Variants in CERT1 observed in about 807,000 individuals in gnomAD.
The protein encoded by CERT1 is ceramide transfer protein.
In CERT1, 31 loss-of-function variants were observed where a neutral mutation model predicts 87.9. The ratio of observed to expected loss-of-function variants is 0.35; its 90% CI spans 0.27 to 0.48. The LOEUF (loss-of-function observed/expected upper bound fraction) is 0.48, where lower values mean the gene tolerates loss of function less well. CERT1 is among the 20% of genes least tolerant of loss of function. The pLI is 0.99. For synonymous variants in CERT1, 289 were observed against 250.9 expected (o/e 1.15, Z -1.44); for missense variants, 487 against 758.0 (o/e 0.64, Z 4.20).
intron 3 of CERT1, among the ~76,000 whole-genome samples, chr5:75,427,858 C>G (rs929168398): frequency 2.0e-5 from 3 of 151,982 alleles, no homozygotes; most frequent in African/African-American, 7.3e-5. Context: ...GAACAAAAAG[C>G]TACATTGTAT....
intron 2 of CERT1, among the ~76,000 whole-genome samples, chr5:75,470,405 TCA>T (rs1561285845): frequency 6.6e-6 from 1 of 152,080 alleles, no homozygotes; most frequent in African/African-American, 2.4e-5. Flanking sequence ...TTTGGAAAAT[TCA>T]CACATACATG....
chr5:75,486,202 C>T (rs770000195), intron 2 of CERT1, among the ~76,000 whole-genome samples: 23 of 151,998 alleles, frequency 1.5e-4, no homozygotes, highest in East Asian at 5.8e-4. Context: ...GTTCAACATA[C>T]GCAAATCTAC....
At position 75,381,099 on chromosome 5, in the gene CERT1, G is replaced by A. The variant is rs780465149; in HGVS notation, c.1720C>T (p.Leu574=). ...GNQEISRDNI[L]CKITYVANVN... ...TTAGCTACATATGTAATCTTGCATA[G>A]AATGTTGTCCCTGCTAATTTCCTGG... Residue 574 remains leucine, a synonymous_variant, in exon 16 of 17, where the codon CTA becomes TTA. Transcript: ENST00000643780. 1.2e-6 allele frequency: 2 copies of A among 1,614,044 alleles called. No individual in the cohort carries two copies.
chr5:75,496,064 T>C (rs967155526), intron 2 of CERT1, among the ~76,000 whole-genome samples: 1 of 152,166 alleles, frequency 6.6e-6, no homozygotes, highest in African/African-American at 2.4e-5. Flanking sequence ...TGGGAGAAAA[T>C]ATTTGCCAAA....
At chr5:75,484,762 A>G (rs1766429420) in intron 2 of CERT1, among the ~76,000 whole-genome samples, 1 of 152,102 alleles carries the variant, frequency 6.6e-6, no homozygotes, top group African/African-American at 2.4e-5. Flanking sequence ...GAGAGAGACC[A>G]TTATACAATA....
At chr5:75,444,589 C>T (rs1325369293) in intron 3 of CERT1, among the ~76,000 whole-genome samples, 1 of 145,146 alleles carries the variant, frequency 6.9e-6, no homozygotes, top group African/African-American at 2.6e-5. Context: ...CATTCTGTCA[C>T]CAGGCTGAGT....
intron 3 of CERT1, among the ~76,000 whole-genome samples, chr5:75,447,534 G>A (rs534780772): frequency 2.6e-5 from 4 of 151,492 alleles, no homozygotes; most frequent in African/African-American, 7.3e-5. Flanking sequence ...GCAGTGGCGC[G>A]ATCTTGGCTC....
intron 7 of CERT1, among the ~76,000 whole-genome samples, chr5:75,416,643 C>G (rs976533088): frequency 6.6e-6 from 1 of 152,078 alleles, no homozygotes; most frequent in African/African-American, 2.4e-5. Flanking sequence ...ATCACAAAAA[C>G]TTTTATATTA....
chr5:75,412,184 C>CT (rs766481300), intron 7 of CERT1, among the ~76,000 whole-genome samples: 7 of 151,804 alleles, frequency 4.6e-5, no homozygotes, highest in Non-Finnish European at 5.9e-5. Context: ...TCTTTTCTTT[C>CT]TTTTTTTTAC....
intron 12 of CERT1, among the ~76,000 whole-genome samples, chr5:75,388,157 A>T (rs951127690): frequency 1.3e-5 from 2 of 152,134 alleles, no homozygotes; most frequent in Non-Finnish European, 2.9e-5. Flanking sequence ...GAGTAACAAG[A>T]CCCTGTAGCA....
downstream of CERT1, chr5:75,374,756 C>T (rs982751641): frequency 1.8e-5 from 10 of 561,438 alleles, no homozygotes; most frequent in Non-Finnish European, 3.4e-5. Context: ...AACACCTCCA[C>T]CCCAATTTAG....
At chr5:75,416,447 A>G (rs1178463869) in intron 7 of CERT1, among the ~76,000 whole-genome samples, 2 of 152,212 alleles carry the variant, frequency 1.3e-5, no homozygotes, top group Non-Finnish European at 2.9e-5. Flanking sequence ...AACATAATGT[A>G]TGTTAAATGG....
At chr5:75,486,240 G>T (rs1462957963) in intron 2 of CERT1, among the ~76,000 whole-genome samples, 1 of 151,902 alleles carries the variant, frequency 6.6e-6, no homozygotes, top group Non-Finnish European at 1.5e-5. Context: ...CAGAATGAAG[G>T]ACAAAAACCA....
rs60898983 is a variant in CERT1, at chr5:75,393,602, T to TAAAAAAAAAAAAAAAAA, written c.1189-3932_1189-3916dup. Among the ~76,000 whole-genome samples the TAAAAAAAAAAAAAAAAA allele has an allele frequency of 8.1e-3, 263 of 32,650 alleles. 9 individuals are homozygous for TAAAAAAAAAAAAAAAAA. The highest frequency in any genetic ancestry group is 0.01 in the East Asian group (9 of 866). The allele number at this position is 32,650 out of a possible 152,430, so 21.4% of individuals were successfully genotyped here. ...GCAACATAGCAAGACCTCATCTACT[T>TAAAAAAAAAAAAAAAAA]AAAAAAAAAAAAAAAAAAAAAGAAA... On this transcript the variant is annotated intron_variant, in intron 11 of 16. Coordinates refer to ENST00000643780, the MANE Select transcript of CERT1 (RefSeq NM_001379029.1).
intron 9 of CERT1, chr5:75,401,070 A>G (rs1344272826): frequency 6.6e-6 from 1 of 152,198 alleles, no homozygotes; most frequent in Non-Finnish European, 1.5e-5. Flanking sequence ...ATCTAAATCT[A>G]TGGAACTGAT....
chr5:75,484,707 C>T (rs1766426630), intron 2 of CERT1, among the ~76,000 whole-genome samples: 1 of 151,760 alleles, frequency 6.6e-6, no homozygotes, highest in African/African-American at 2.4e-5. Flanking sequence ...ATATATGCAA[C>T]ACTAGACCAC....
chr5:75,461,821 GA>G (rs11404644), intron 2 of CERT1, among the ~76,000 whole-genome samples: 12,824 of 89,550 alleles, frequency 0.14, 523 homozygotes, highest in Middle Eastern at 0.22. Context: ...TCAACAAAGT[GA>G]AAAAAAAAAA....
intron 2 of CERT1, among the ~76,000 whole-genome samples, chr5:75,465,778 C>T (rs1020575793): frequency 1.3e-5 from 2 of 152,200 alleles, no homozygotes; most frequent in Admixed American, 6.5e-5. Context: ...AGAAGAAAAA[C>T]TTCCTGTCTC....
In CERT1 at chr5:75,411,015, T is replaced by A; in HGVS notation, c.926A>T (p.Tyr309Phe). The A allele has an allele frequency of 6.5e-7, 1 of 1,528,182 alleles. No individual in the cohort carries two copies. Among genetic ancestry groups the A allele is most frequent in the African/African-American group, 1.4e-5 (1 of 72,756 alleles). 94.7% of individuals were successfully genotyped at this position (1,528,182 alleles called of 1,614,324 possible). A position where few individuals can be genotyped will look rare whatever the true frequency, so the allele number is the denominator to read the frequency against. The change falls in exon 8 of 17, where the codon TAT becomes TTT. Residue 309 changes from tyrosine to phenylalanine, a missense_variant. Tyr to Phe is a conservative substitution (Grantham distance 22). Coordinates refer to ENST00000643780, the MANE Select transcript of CERT1 (RefSeq NM_001379029.1). ...KKKSHFGGPD[Y>F]EEGPNSLINE... is the part of the protein sequence containing the mutation. ...GATCAAAATATAAATTCATACTTCA[T>A]AATCTGGTCCTCCAAAGTGGGATTT...
Sources: gnomAD v4.1 joint callset for allele counts (sites outside exome capture counted in the v4.1 genomes callset) on GRCh38, gnomAD v4.1.1 for gene constraint, MANE v1.5 for transcripts, NCBI Gene and HGNC (gene_info 2026-07-23, HGNC 2026-07-21) for gene names.